FBXL5: variants seen among roughly 807,000 people sequenced by gnomAD.
The protein encoded by FBXL5 is F-box and leucine rich repeat protein 5, also known as F-box/LRR-repeat protein 5.
Under a neutral mutation model 78.3 loss-of-function variants are expected in FBXL5, and 26 were observed. That is an observed-to-expected ratio of 0.33 (90% CI 0.24 to 0.46). The LOEUF (loss-of-function observed/expected upper bound fraction) is 0.46. Ranked by LOEUF, FBXL5 falls within the 20% of genes least tolerant of loss-of-function variation. The pLI is 1.00. For missense variants in FBXL5, 710 were observed against 829.2 expected (o/e 0.86, Z 1.77); for synonymous variants, 295 against 282.5 (o/e 1.04, Z -0.45).
Position 15,655,244 on chromosome 4 carries a change from T to A in FBXL5, c.44A>T (p.His15Leu). 6.9e-7 allele frequency: 1 copy of A among 1,442,006 alleles called. No homozygotes were observed. Among genetic ancestry groups the A allele is most frequent in the Non-Finnish European group, 9.3e-7 (1 of 1,078,278 alleles). The allele number at this position is 1,442,006 out of a possible 1,614,324, so 89.3% of individuals were successfully genotyped here. Residue 15 changes from histidine (H) to leucine (L), a missense_variant, in exon 1 of 11, where the codon CAC becomes CTC. His to Leu is a moderately conservative substitution (Grantham distance 99). Coordinates refer to ENST00000341285, the MANE Select transcript of FBXL5 (RefSeq NM_012161.4). ...PEEVDVFTAPHWRMKQLVGLY... is the reference protein window; with the variant it reads ...PEEVDVFTAPLWRMKQLVGLY... ...CCCCACCAGCTGCTTCATCCGCCAG[T>A]GTGGGGCGGTGAAGACGTCCACTTC...
chr4:15,652,356 T>G (rs1716181236), intron 1 of FBXL5, among the ~76,000 whole-genome samples: 1 of 152,202 alleles, frequency 6.6e-6, no homozygotes, highest in South Asian at 2.1e-4. Flanking sequence ...AATCTACCAC[T>G]AGCTGCTTAT....
chr4:15,641,731 T>C (rs1200267176), intron 2 of FBXL5: 2 of 395,076 alleles, frequency 5.1e-6, no homozygotes, highest in Non-Finnish European at 4.9e-6. Context: ...CAACTGTACC[T>C]GTTAACATTA....
chr4:15,638,154 G>A (rs1028617561), intron 4 of FBXL5, among the ~76,000 whole-genome samples: 41 of 152,256 alleles, frequency 2.7e-4, no homozygotes, highest in African/African-American at 8.4e-4. Flanking sequence ...GGATGATATC[G>A]CAAAAGTGCT....
intron 9 of FBXL5, among the ~76,000 whole-genome samples, chr4:15,614,080 A>T (rs974049834): frequency 6.6e-6 from 1 of 152,134 alleles, no homozygotes; most frequent in African/African-American, 2.4e-5. Flanking sequence ...TGTCAGAGGG[A>T]AGATCTAGCT....
chr4:15,675,325 G>T (rs192520912), intron 1 of FBXL5, among the ~76,000 whole-genome samples: 1 of 152,226 alleles, frequency 6.6e-6, no homozygotes, highest in Admixed American at 6.5e-5. Context: ...ATATAAAAAT[G>T]AGGTGAATAA....
chr4:15,610,641 T>C (rs1265783823), intron 10 of FBXL5, among the ~76,000 whole-genome samples: 1 of 152,068 alleles, frequency 6.6e-6, no homozygotes, highest in Admixed American at 6.5e-5. Context: ...TCTAAATTAT[T>C]TCAAAGTTTA....
chr4:15,632,948 T>C (rs554447666), intron 5 of FBXL5, among the ~76,000 whole-genome samples: 3 of 152,332 alleles, frequency 2.0e-5, no homozygotes, highest in Admixed American at 6.5e-5. Flanking sequence ...CTAAGTTGAA[T>C]AGGAGTGGTG....
chr4:15,616,423 G>C (rs1379551439), intron 9 of FBXL5, among the ~76,000 whole-genome samples: 1 of 152,026 alleles, frequency 6.6e-6, no homozygotes, highest in Non-Finnish European at 1.5e-5. Flanking sequence ...CAGGCAACTG[G>C]TGAGCAGGGC....
At chr4:15,676,503 A>C (rs1032748849) in intron 1 of FBXL5, among the ~76,000 whole-genome samples, 5 of 152,232 alleles carry the variant, frequency 3.3e-5, no homozygotes, top group African/African-American at 1.2e-4. Context: ...CAATAAAATG[A>C]AATATGTGGA....
At chr4:15,671,781 T>C (rs998954439) in intron 1 of FBXL5, among the ~76,000 whole-genome samples, 30 of 152,208 alleles carry the variant, frequency 2.0e-4, no homozygotes, top group Admixed American at 7.2e-4. Flanking sequence ...TAGTTTCTAT[T>C]GCTATGTCTT....
intron 1 of FBXL5, among the ~76,000 whole-genome samples, chr4:15,674,611 T>C (rs1267930943): frequency 6.6e-6 from 1 of 152,058 alleles, no homozygotes; most frequent in African/African-American, 2.4e-5. Context: ...TATCAACTCA[T>C]TTCTATCATC....
At position 15,628,772 on chromosome 4, in the gene FBXL5, G is replaced by GACACACACACAC. The variant is rs1553850273; in HGVS notation, c.893-751_893-740dup. Among the ~76,000 whole-genome samples the GACACACACACAC allele has an allele frequency of 3.8e-3, 528 of 140,394 alleles. 5 individuals carry two copies. Among genetic ancestry groups the GACACACACACAC allele is most frequent in the African/African-American group, 0.014 (512 of 37,700 alleles). 92.1% of individuals were successfully genotyped at this position (140,394 alleles called of 152,430 possible). A position where few individuals can be genotyped will look rare whatever the true frequency, so the allele number is the denominator to read the frequency against. The stretch of plus-strand genomic sequence containing the variant: ...TAAATTCCTCCTTTAGCCAGACACA[G>GACACACACACAC]ACACACACACACACACGCACACACA... On this transcript the variant is annotated intron_variant, in intron 6 of 10. Transcript: ENST00000341285.
At chr4:15,639,122 C>T (rs377452589) in intron 3 of FBXL5, among the ~76,000 whole-genome samples, 1 of 152,216 alleles carries the variant, frequency 6.6e-6, no homozygotes, top group East Asian at 1.9e-4. Context: ...CGATATTGCG[C>T]CATTGCACTC....
chr4:15,620,843 G>A (rs944896455), intron 9 of FBXL5, among the ~76,000 whole-genome samples: 1 of 152,198 alleles, frequency 6.6e-6, no homozygotes, highest in African/African-American at 2.4e-5. Context: ...TTGCATGAGC[G>A]ATTTATGCCT....
intron 1 of FBXL5, among the ~76,000 whole-genome samples, chr4:15,680,654 CGA>C (rs1358416345): frequency 2.6e-5 from 4 of 151,250 alleles, no homozygotes; most frequent in South Asian, 4.2e-4. Context: ...CCAGCCTGGG[CGA>C]GAGAGTGAGA....
At chr4:15,671,171 G>C (rs1319406481) in intron 1 of FBXL5, among the ~76,000 whole-genome samples, 2 of 151,504 alleles carry the variant, frequency 1.3e-5, no homozygotes, top group African/African-American at 4.9e-5. Context: ...TGATTTGCCA[G>C]CTTCAGCCTT....
rs1712969837 is a variant in FBXL5 at position 15,625,670 on chromosome 4, AAGG to A, written c.1429_1431del (p.Pro477del). ...TCTTCAGCATCTAACATCCACACATAAGGAGAAGTGAAATTCTCAGAAGAAACA... is the reference window on the plus strand; with the variant it reads ...TCTTCAGCATCTAACATCCACACATAAGAAGTGAAATTCTCAGAAGAAACA... On this transcript the variant is annotated inframe_deletion, in exon 9 of 11. Coordinates refer to ENST00000341285, the MANE Select transcript of FBXL5 (RefSeq NM_012161.4). The A allele has an allele frequency of 1.9e-6, 3 of 1,614,222 alleles. No individual in the cohort carries two copies. Among genetic ancestry groups the A allele is most frequent in the South Asian group, 1.1e-5 (1 of 91,076 alleles).
At position 15,630,748 on chromosome 4, in the gene FBXL5, A is replaced by G; in HGVS notation, c.810T>C (p.Pro270=). The G allele has an allele frequency of 6.2e-7, 1 of 1,610,958 alleles. No individual in the cohort carries two copies. Among genetic ancestry groups the G allele is most frequent in the South Asian group, 1.1e-5 (1 of 90,272 alleles). ...TCCTATTTTTCACCCATTCATCATCAGGTTCAGTATCAAGTTCAGTTGCGG... is the reference window on the plus strand; with the variant it reads ...TCCTATTTTTCACCCATTCATCATCGGGTTCAGTATCAAGTTCAGTTGCGG... ...SGPATELDTE[P]DDEWVKNRKD... The change falls in exon 6 of 11, where the codon CCT becomes CCC. Residue 270 remains proline, a synonymous_variant. Coordinates refer to ENST00000341285, the MANE Select transcript of FBXL5 (RefSeq NM_012161.4).
chr4:15,605,608 C>A lies in FBXL5; in HGVS notation c.*115G>T. 1.3e-6 allele frequency: 1 copy of A among 787,504 alleles called. No individual in the cohort carries two copies. Among genetic ancestry groups the A allele is most frequent in the East Asian group, 2.8e-5 (1 of 36,328 alleles). 48.8% of individuals were successfully genotyped at this position (787,504 alleles called of 1,614,324 possible). ...TTTCTGAAGTTGTAAGAAATGGGGC[C>A]AAAACAAGTCACGCTCAAAAAGGGA... is the stretch of plus-strand genomic sequence containing the variant. On this transcript the variant is annotated 3_prime_UTR_variant, in exon 11 of 11. Transcript: ENST00000341285.
Sources: gnomAD v4.1 joint callset for allele counts (sites outside exome capture counted in the v4.1 genomes callset) on GRCh38, gnomAD v4.1.1 for gene constraint, MANE v1.5 for transcripts, NCBI Gene and HGNC (gene_info 2026-07-23, HGNC 2026-07-21) for gene names.